RAB7A: variants seen among roughly 807,000 people sequenced by gnomAD.
The protein encoded by RAB7A is RAB7A, member RAS oncogene family, also known as ras-related protein Rab-7a.
In RAB7A, 2 loss-of-function variants were observed where a neutral mutation model predicts 24.5. That is an observed-to-expected ratio of 0.08 (90% CI 0.03 to 0.26). The LOEUF (loss-of-function observed/expected upper bound fraction) is 0.26. RAB7A is among the 10% of genes least tolerant of loss of function. The pLI is 1.00. For synonymous variants in RAB7A, 100 were observed against 95.9 expected, an observed-to-expected ratio of 1.04 and a Z score of -0.25; for missense variants, 118 against 255.7, an observed-to-expected ratio of 0.46 and a Z score of 3.67.
At chr3:128,758,003 C>G (rs80350001) in intron 1 of RAB7A, among the ~76,000 whole-genome samples, 1 of 151,978 alleles carries the variant, frequency 6.6e-6, no homozygotes, top group African/African-American at 2.4e-5. Context: ...TGCTCTGTCA[C>G]CCAGGCTGGA....
At chr3:128,773,503 T>A (rs1216195934) in intron 1 of RAB7A, among the ~76,000 whole-genome samples, 1 of 142,766 alleles carries the variant, frequency 7.0e-6, no homozygotes, top group African/African-American at 2.5e-5. Flanking sequence ...AGCCGACCCG[T>A]CCGGGAGGTG....
At chr3:128,753,214 A>G (rs556984880) in intron 1 of RAB7A, among the ~76,000 whole-genome samples, 3 of 152,190 alleles carry the variant, frequency 2.0e-5, no homozygotes, top group Admixed American at 6.5e-5. Context: ...ATATGCAGCA[A>G]CATGGATGAA....
chr3:128,805,683 G>T (rs76610941), intron 3 of RAB7A, among the ~76,000 whole-genome samples: 1 of 151,498 alleles, frequency 6.6e-6, no homozygotes, highest in Admixed American at 6.6e-5. Context: ...ACAGAGTTTC[G>T]CTCTTATCAC....
At chr3:128,787,084 T>G (rs1933356792) in intron 1 of RAB7A, among the ~76,000 whole-genome samples, 1 of 152,220 alleles carries the variant, frequency 6.6e-6, no homozygotes, top group Non-Finnish European at 1.5e-5. Flanking sequence ...CAGTAGCTTT[T>G]TGTCTTCATT....
At chr3:128,759,872 G>A (rs2070763520) in intron 1 of RAB7A, among the ~76,000 whole-genome samples, 1 of 152,032 alleles carries the variant, frequency 6.6e-6, no homozygotes, top group South Asian at 2.1e-4. Flanking sequence ...CACCACGCCC[G>A]GCTAATTTTG....
chr3:128,747,136 T>G (rs2070625768), intron 1 of RAB7A, among the ~76,000 whole-genome samples: 1 of 149,872 alleles, frequency 6.7e-6, no homozygotes, highest in African/African-American at 2.5e-5. Context: ...ATACTCTATC[T>G]CTACAAAAAA....
rs188948679 is a variant in RAB7A, at chr3:128,766,987, G to A, written c.-8-28373G>A. 2.0e-4 allele frequency among the ~76,000 whole-genome samples: 30 copies of A among 151,644 alleles called. No homozygotes were observed. In the East Asian group the frequency reaches 5.8e-3, roughly 29 times the overall value. On this transcript the variant is annotated intron_variant, in intron 1 of 5. Transcript: ENST00000265062. Reference sequence around the variant, plus strand: ...TTTTCTGTTTTTTTTTTTAATTCTAGTGGTCCTAGTTGGTATGAAGTGGAT... The same window carrying A: ...TTTTCTGTTTTTTTTTTTAATTCTAATGGTCCTAGTTGGTATGAAGTGGAT...
chr3:128,774,988 G>A (rs1190002336), intron 1 of RAB7A, among the ~76,000 whole-genome samples: 6 of 151,958 alleles, frequency 3.9e-5, no homozygotes, highest in African/African-American at 1.2e-4. Context: ...ACCGTTGTTG[G>A]CCAGGTTGGT....
At chr3:128,795,712 G>A (rs552493238) in intron 2 of RAB7A, among the ~76,000 whole-genome samples, 16 of 144,548 alleles carry the variant, frequency 1.1e-4, no homozygotes, top group African/African-American at 3.8e-4. Context: ...TCTTCCTTAC[G>A]TAGATGTATT....
chr3:128,782,413 G>A (rs1321432811), intron 1 of RAB7A, among the ~76,000 whole-genome samples: 1 of 152,068 alleles, frequency 6.6e-6, no homozygotes. Context: ...CTTCCTCCCT[G>A]TGCCCTTTTC....
chr3:128,762,259 A>T (rs1270901061), intron 1 of RAB7A, among the ~76,000 whole-genome samples: 1 of 152,182 alleles, frequency 6.6e-6, no homozygotes, highest in Non-Finnish European at 1.5e-5. Context: ...AAGATTAAAG[A>T]TGAAAAAGGC....
intron 1 of RAB7A, among the ~76,000 whole-genome samples, chr3:128,786,983 T>C (rs1489185691): frequency 6.6e-6 from 1 of 152,230 alleles, no homozygotes; most frequent in Non-Finnish European, 1.5e-5. Flanking sequence ...TGCAAAGTTA[T>C]ACATGGTATA....
At chr3:128,748,925 A>G (rs1476560975) in intron 1 of RAB7A, 1 of 152,132 alleles carries the variant, frequency 6.6e-6, no homozygotes, top group Non-Finnish European at 1.5e-5. Flanking sequence ...AGGCTCCACA[A>G]ATCCACTGGG....
intron 2 of RAB7A, among the ~76,000 whole-genome samples, chr3:128,795,751 C>CTTTTGTTTTTTTTTTTTTTTT (rs1933555372): frequency 2.3e-5 from 1 of 43,032 alleles, no homozygotes; most frequent in Non-Finnish European, 4.7e-5. Flanking sequence ...AGCAGATGTG[C>CTTTTGTTTTTTTTTTTTTTTT]TTTTTTTTTT....
At chr3:128,809,646 T>C (rs962157540) in intron 5 of RAB7A, among the ~76,000 whole-genome samples, 2 of 152,236 alleles carry the variant, frequency 1.3e-5, no homozygotes, top group Non-Finnish European at 2.9e-5. Context: ...GTTTCCTGTG[T>C]CTACCTCAGA....
intron 4 of RAB7A, 104 bp from the exon 5 acceptor site, chr3:128,807,429 GTGTCCTCACC>G: frequency 1.3e-6 from 2 of 1,492,974 alleles, no homozygotes; most frequent in Non-Finnish European, 1.9e-6. Flanking sequence ...CCCCATGTCT[GTGTCCTCACC>G]TGTACTACCT....
intron 1 of RAB7A, among the ~76,000 whole-genome samples, chr3:128,732,890 A>G (rs1310246753): frequency 6.6e-6 from 1 of 152,146 alleles, no homozygotes; most frequent in African/African-American, 2.4e-5. Context: ...AGGAGACCAG[A>G]TACTCTTGGG....
At chr3:128,729,094 T>C (rs993560437) in intron 1 of RAB7A, among the ~76,000 whole-genome samples, 7 of 152,206 alleles carry the variant, frequency 4.6e-5, no homozygotes, top group Non-Finnish European at 2.9e-5. Context: ...AGTATATCCT[T>C]CTAGGTAGTT....
At chr3:128,797,834 G>C in intron 2 of RAB7A, 109 bp from the exon 3 acceptor site, 1 of 1,358,776 alleles carries the variant, frequency 7.4e-7, no homozygotes, top group Non-Finnish European at 1.0e-6. Context: ...TGTGAGGGCA[G>C]TTTCTTGTCC....
Sources: gnomAD v4.1 joint callset for allele counts (sites outside exome capture counted in the v4.1 genomes callset) on GRCh38, gnomAD v4.1.1 for gene constraint, MANE v1.5 for transcripts, NCBI Gene and HGNC (gene_info 2026-07-23, HGNC 2026-07-21) for gene names.